The following PUDP variants were observed in gnomAD, a reference collection of about 807,000 sequenced individuals.
PUDP encodes the protein pseudouridine-5'-phosphatase.
In PUDP, 8 loss-of-function variants were observed where a neutral mutation model predicts 9.4. That is an observed-to-expected ratio of 0.85 (90% CI 0.50 to 1.53). The LOEUF is 1.53. PUDP is among the 40% of genes most tolerant of loss of function. The probability of loss-of-function intolerance (pLI) is 0.00; values close to 1 mark genes in which losing one functional copy is unlikely to be tolerated. For missense variants in PUDP, 188 were observed against 189.7 expected (o/e 0.99, Z 0.05); for synonymous variants, 99 against 80.7 (o/e 1.23, Z -1.22).
intron 3 of PUDP, among the ~76,000 whole-genome samples, chrX:6,849,280 A>G (rs912555886): frequency 8.9e-6 from 1 of 112,289 alleles, no homozygotes; most frequent in African/African-American, 3.2e-5. Context: ...GGTTCCCCCA[A>G]CGTTCACCAC....
chrX:6,797,953 C>A (rs1925870628), intron 3 of PUDP, among the ~76,000 whole-genome samples: 1 of 111,020 alleles, frequency 9.0e-6, no homozygotes, highest in Non-Finnish European at 1.9e-5. Context: ...AAATTGGTAT[C>A]AATAATGTTG....
At chrX:6,956,077 T>A (rs1928622807) in intron 3 of PUDP, among the ~76,000 whole-genome samples, 1 of 112,304 alleles carries the variant, frequency 8.9e-6, no homozygotes, top group African/African-American at 3.2e-5. Flanking sequence ...GGAGATGAAA[T>A]CTCGCTCTGT....
intron 3 of PUDP, among the ~76,000 whole-genome samples, chrX:6,773,082 G>A (rs1435374545): frequency 8.9e-6 from 1 of 112,231 alleles, no homozygotes. Flanking sequence ...TGAGACAAAT[G>A]TAACCTGGAA....
chrX:6,862,032 C>T (rs1421074558), intron 3 of PUDP, among the ~76,000 whole-genome samples: 4 of 111,809 alleles, frequency 3.6e-5, no homozygotes, highest in Non-Finnish European at 7.5e-5. Context: ...CACCTGCTAG[C>T]GAACTGAGAA....
At chrX:6,861,977 A>T (rs1445428938) in intron 3 of PUDP, among the ~76,000 whole-genome samples, 1 of 111,691 alleles carries the variant, frequency 9.0e-6, no homozygotes, top group African/African-American at 3.3e-5. Flanking sequence ...AGGAAGCCAG[A>T]CATGCTTAGT....
At chrX:7,132,772 A>G in intron 1 of PUDP, among the ~76,000 whole-genome samples, 1 of 111,242 alleles carries the variant, frequency 9.0e-6, no homozygotes, top group South Asian at 3.8e-4. Flanking sequence ...CTCCAAAAAC[A>G]TCCTGGTGAA....
At chrX:7,095,034 T>A (rs1433905781) in intron 2 of PUDP, among the ~76,000 whole-genome samples, 2 of 111,814 alleles carry the variant, frequency 1.8e-5, no homozygotes, top group African/African-American at 6.5e-5. Flanking sequence ...CCCCGAGCAC[T>A]GGGGACTTCT....
At chrX:7,137,349 T>C (rs1270359813) in intron 1 of PUDP, among the ~76,000 whole-genome samples, 2 of 106,464 alleles carry the variant, frequency 1.9e-5, no homozygotes, top group Admixed American at 1.0e-4. Flanking sequence ...GAGACCATCC[T>C]GGCTAACATG....
At chrX:6,818,277 T>G (rs867102770) in intron 3 of PUDP, among the ~76,000 whole-genome samples, 2 of 112,076 alleles carry the variant, frequency 1.8e-5, no homozygotes, top group African/African-American at 6.5e-5. Context: ...ATAAAGATGA[T>G]CTTACATTTA....
At chrX:6,740,099 G>A (rs779736399) in intron 3 of PUDP, among the ~76,000 whole-genome samples, 1 of 111,700 alleles carries the variant, frequency 9.0e-6, no homozygotes, top group Non-Finnish European at 1.9e-5. Flanking sequence ...GCCCAATACT[G>A]TCACAATTTC....
At chrX:6,880,393 G>A (rs1293265122) in intron 3 of PUDP, among the ~76,000 whole-genome samples, 1 of 111,412 alleles carries the variant, frequency 9.0e-6, no homozygotes, top group Non-Finnish European at 1.9e-5. Context: ...TTAGAATAAT[G>A]GTCTCCAATT....
In PUDP at chrX:6,740,228, T is replaced by C. The variant is rs1924919215; in HGVS notation, c.*248-33762A>G. Among the ~76,000 whole-genome samples the C allele has an allele frequency of 4.5e-5, 5 of 111,648 alleles. No homozygotes were observed. In the Admixed American group the frequency reaches 4.8e-4, roughly 11 times the overall value. ...TTGTGAAATGCAGCACTGGTGTTTGTTATTTTATTTTATTTATCTGGTATT... is the reference window on the plus strand; with the variant it reads ...TTGTGAAATGCAGCACTGGTGTTTGCTATTTTATTTTATTTATCTGGTATT... On this transcript the variant is annotated intron_variant and NMD_transcript_variant, in intron 3 of 3. Coordinates refer to the PUDP transcript ENST00000655425.
At chrX:7,134,552 G>A (rs766294614) in intron 1 of PUDP, among the ~76,000 whole-genome samples, 11 of 112,151 alleles carry the variant, frequency 9.8e-5, no homozygotes, top group East Asian at 2.8e-4. Flanking sequence ...TAAGCACACC[G>A]TATCAAAAGC....
chrX:6,798,882 C>G (rs1010465699), intron 3 of PUDP, among the ~76,000 whole-genome samples: 4 of 112,006 alleles, frequency 3.6e-5, no homozygotes, highest in Non-Finnish European at 7.5e-5. Flanking sequence ...AACCCCTGGG[C>G]TCAAGCAGTC....
intron 3 of PUDP, among the ~76,000 whole-genome samples, chrX:6,929,625 T>A (rs747474704): frequency 8.9e-6 from 1 of 112,063 alleles, no homozygotes; most frequent in South Asian, 3.8e-4. Flanking sequence ...GAGGAGGGAA[T>A]CTTGATGCAC....
chrX:6,804,995 G>A (rs1027210153), intron 3 of PUDP, among the ~76,000 whole-genome samples: 3 of 111,907 alleles, frequency 2.7e-5, no homozygotes, highest in Non-Finnish European at 3.8e-5. Context: ...GGCTGGGCAC[G>A]GGGGCTCATG....
intron 3 of PUDP, among the ~76,000 whole-genome samples, chrX:7,065,812 A>G (rs1930535331): frequency 8.9e-6 from 1 of 112,111 alleles, no homozygotes; most frequent in African/African-American, 3.2e-5. Context: ...GGGGAGCCAT[A>G]CATACAAACA....
chrX:7,070,458 C>T (rs774992058), intron 3 of PUDP, among the ~76,000 whole-genome samples: 12 of 111,408 alleles, frequency 1.1e-4, no homozygotes, highest in Non-Finnish European at 2.3e-4. Context: ...TCCTCACCCT[C>T]TGGAGCAGCT....
intron 3 of PUDP, among the ~76,000 whole-genome samples, chrX:6,825,416 C>G (rs765757873): frequency 2.2e-4 from 25 of 111,488 alleles, no homozygotes; most frequent in African/African-American, 7.5e-4. Context: ...GCTCTCTGCT[C>G]CGGGCCCTTG....
Sources: gnomAD v4.1 joint callset for allele counts (sites outside exome capture counted in the v4.1 genomes callset) on GRCh38, gnomAD v4.1.1 for gene constraint, MANE v1.5 for transcripts, NCBI Gene and HGNC (gene_info 2026-07-23, HGNC 2026-07-21) for gene names.